The following NECAB2 variants were observed in gnomAD, a reference collection of about 807,000 sequenced individuals.
NECAB2 encodes N-terminal EF-hand calcium-binding protein 2.
In NECAB2, 68 loss-of-function variants were observed where a neutral mutation model predicts 51.9. That is an observed-to-expected ratio of 1.31 (90% CI 1.08 to 1.60). The LOEUF is 1.60. Among genes scored for constraint, NECAB2 ranks in the 40% most tolerant of loss-of-function variants. The probability of loss-of-function intolerance (pLI) is 0.00; values close to 1 mark genes in which losing one functional copy is unlikely to be tolerated. For missense variants in NECAB2, 854 were observed against 490.3 expected (o/e 1.74, Z -7.00); for synonymous variants, 329 against 203.5 (o/e 1.62, Z -5.25).
chr16:83,984,845 A>G (rs2084532619), intron 5 of NECAB2, among the ~76,000 whole-genome samples: 1 of 152,236 alleles, frequency 6.6e-6, no homozygotes, highest in African/African-American at 2.4e-5. Flanking sequence ...GCTGTTTCAA[A>G]TAACAAGCTC....
chr16:83,998,059 A>T, intron 9 of NECAB2, 146 bp from the exon 10 acceptor site: 2 of 709,730 alleles, frequency 2.8e-6, no homozygotes, highest in Non-Finnish European at 4.7e-6. Context: ...TTTTTAGTCC[A>T]TTCTTATCCA....
At chr16:83,978,599 G>C (rs1359619336) in intron 3 of NECAB2, 47 bp downstream of exon 3, 1 of 1,477,038 alleles carries the variant, frequency 6.8e-7, no homozygotes, top group South Asian at 1.1e-5. Context: ...TGTGGGCTGT[G>C]GTGGAGGCAT....
At chr16:84,000,069 TTTTAAAGA>T (rs1567680605) in intron 10 of NECAB2, among the ~76,000 whole-genome samples, 5 of 151,750 alleles carry the variant, frequency 3.3e-5, no homozygotes, top group African/African-American at 1.2e-4. Flanking sequence ...TTTTTTTTTT[TTTTAAAGA>T]GACAGTGTTT....
intron 2 of NECAB2, among the ~76,000 whole-genome samples, chr16:83,977,048 A>T (rs1456821960): frequency 6.6e-6 from 1 of 152,258 alleles, no homozygotes; most frequent in Non-Finnish European, 1.5e-5. Context: ...ATCCGCTTTC[A>T]ACACATGTGC....
chr16:83,984,120 C>T (rs578204787), intron 5 of NECAB2, among the ~76,000 whole-genome samples: 187 of 151,592 alleles, frequency 1.2e-3, no homozygotes, highest in African/African-American at 4.2e-3. Flanking sequence ...TTCAGCCTCC[C>T]GAGTAGCTGG....
In NECAB2 at chr16:84,000,930, C is replaced by G. The variant is rs143139358; in HGVS notation, c.1040+129C>G. On this transcript the variant is annotated intron_variant, in intron 11 of 12. Coordinates refer to ENST00000305202, the MANE Select transcript of NECAB2 (RefSeq NM_019065.3). ...AGTCAGCAGATTCCCGAGGCATCTA[C>G]CCGCTGGCATGCTTGCGTCAGTAAA... The G allele has an allele frequency of 3.2e-3, 2,837 of 874,702 alleles. 13 individuals carry two copies. Among genetic ancestry groups the G allele is most frequent in the Admixed American group, 6.6e-3 (309 of 46,584 alleles). 54.2% of individuals were successfully genotyped at this position (874,702 alleles called of 1,614,324 possible).
Position 84,002,462 on chromosome 16 carries a change from C to A in NECAB2, c.*116C>A. The A allele has an allele frequency of 6.6e-6, 9 of 1,367,368 alleles. No individual in the cohort carries two copies. Among genetic ancestry groups the A allele is most frequent in the Non-Finnish European group, 9.3e-6 (9 of 966,746 alleles). The allele number at this position is 1,367,368 out of a possible 1,614,324, so 84.7% of individuals were successfully genotyped here. On this transcript the variant is annotated 3_prime_UTR_variant, in exon 13 of 13. Transcript: ENST00000305202. The stretch of plus-strand genomic sequence containing the variant: ...AAGCTTCTTTTCAATCCATCCTCCA[C>A]AAGAAGGTGTTTCCCTGTTGTTAAG...
chr16:83,991,658 T>G (rs2084627513), intron 6 of NECAB2, among the ~76,000 whole-genome samples: 1 of 151,354 alleles, frequency 6.6e-6, no homozygotes, highest in African/African-American at 2.4e-5. Context: ...CGGCCTTATT[T>G]TATTTATTGA....
At chr16:83,975,070 G>T (rs1288246868) in intron 2 of NECAB2, among the ~76,000 whole-genome samples, 1 of 146,078 alleles carries the variant, frequency 6.8e-6, no homozygotes, top group Non-Finnish European at 1.5e-5. Context: ...GTGCAGGGAG[G>T]TGTGGGTGCA....
chr16:84,001,209 G>C (rs1280602719), intron 11 of NECAB2, among the ~76,000 whole-genome samples: 3 of 151,830 alleles, frequency 2.0e-5, no homozygotes, highest in Admixed American at 1.3e-4. Flanking sequence ...CGGTACGAGG[G>C]ACGGAGATGG....
rs111822485 is a variant in NECAB2, at chr16:83,990,427, G to T, written c.460-67G>T. 0.023 allele frequency: 36,567 copies of T among 1,585,942 alleles called. 669 individuals are homozygous for T. Among genetic ancestry groups the T allele is most frequent in the African/African-American group, 0.09 (6,727 of 74,628 alleles). ...GCACCAGCTTTCCCCCAACTCCTGT[G>T]CTAGACCCCACCTCCAATTTCCCTC... On this transcript the variant is annotated intron_variant, in intron 5 of 12. Transcript: ENST00000305202.
chr16:83,991,318 TTTCTCTCA>T (rs2084622171), intron 6 of NECAB2, among the ~76,000 whole-genome samples: 1 of 151,918 alleles, frequency 6.6e-6, no homozygotes, highest in Non-Finnish European at 1.5e-5. Context: ...TCTTTCTCTC[TTTCTCTCA>T]TTCGTTCTTT....
chr16:83,975,591 A>G (rs1411144423), intron 2 of NECAB2, among the ~76,000 whole-genome samples: 1 of 152,132 alleles, frequency 6.6e-6, no homozygotes, highest in African/African-American at 2.4e-5. Context: ...GGCTCCTGTG[A>G]CAGAGACTTG....
chr16:83,975,187 C>T (rs1597197899), intron 2 of NECAB2, among the ~76,000 whole-genome samples: 1 of 139,544 alleles, frequency 7.2e-6, no homozygotes, highest in African/African-American at 3.0e-5. Context: ...AACAGGTGTG[C>T]AGGGAGGTGT....
rs113413576 is a variant in NECAB2, at chr16:84,001,919, AG to A, written c.1132+8del. On this transcript the variant is annotated splice_donor_region_variant and intron_variant, in intron 12 of 12. Transcript: ENST00000305202. ...CCTCTCCAGGATCTTGGTGCCAGGT[AG>A]GGGGCAAAGGCCTGGAACTGCAGTG... is the stretch of plus-strand genomic sequence containing the variant. The A allele has an allele frequency of 7.4e-6, 12 of 1,613,728 alleles. No homozygotes were observed. Among genetic ancestry groups the A allele is most frequent in the Non-Finnish European group, 1.0e-5 (12 of 1,179,736 alleles).
At position 84,001,904 on chromosome 16, in the gene NECAB2, A is replaced by G; in HGVS notation, c.1120A>G (p.Ile374Val). ...GAGCCAGCCTGAGGCCCTCTCCAGGATCTTGGTGCCAGGTAGGGGGCAAAG... is the reference window on the plus strand; with the variant it reads ...GAGCCAGCCTGAGGCCCTCTCCAGGGTCTTGGTGCCAGGTAGGGGGCAAAG... ...TLSQPEALSR[I>V]LVPAAWCTVG... is the part of the protein sequence containing the mutation. Residue 374 changes from isoleucine to valine, a missense_variant, in exon 12 of 13, where the codon ATC becomes GTC. Physicochemically the swap from Ile to Val is conservative, Grantham distance 29 (BLOSUM62 3). Transcript: ENST00000305202. 1 of 1,613,968 alleles carries G rather than the reference A, an allele frequency of 6.2e-7. No homozygotes were observed. Among genetic ancestry groups the G allele is most frequent in the Non-Finnish European group, 8.5e-7 (1 of 1,179,886 alleles).
intron 11 of NECAB2, among the ~76,000 whole-genome samples, chr16:84,001,171 C>G (rs182181101): frequency 1.3e-5 from 2 of 152,144 alleles, no homozygotes; most frequent in East Asian, 1.9e-4. Flanking sequence ...ATTGTTCCAG[C>G]GACTAACCTC....
In NECAB2 at chr16:83,990,568, G is replaced by T. The variant is rs1466391447; in HGVS notation, c.534G>T (p.Gln178His). 2.5e-6 allele frequency: 4 copies of T among 1,614,054 alleles called. No homozygotes were observed. Among genetic ancestry groups the T allele is most frequent in the Admixed American group, 1.7e-5 (1 of 60,014 alleles). ...FLLKETANQI[Q>H]SLLSSVESAV... is the part of the protein sequence containing the mutation. ...TGAAGGAGACGGCCAATCAGATCCA[G>T]TCGCTGCTGAGCTCAGTGGAGAGTG... is the stretch of plus-strand genomic sequence containing the variant. Residue 178 changes from glutamine (Q) to histidine (H), a missense_variant, in exon 6 of 13, where the codon CAG becomes CAT. Physicochemically the swap from Gln to His is conservative, Grantham distance 24 (BLOSUM62 0). Coordinates refer to ENST00000305202, the MANE Select transcript of NECAB2 (RefSeq NM_019065.3).
At chr16:84,000,175 T>C (rs986722298) in intron 10 of NECAB2, among the ~76,000 whole-genome samples, 1 of 152,186 alleles carries the variant, frequency 6.6e-6, no homozygotes, top group Non-Finnish European at 1.5e-5. Context: ...GTTCTGCGAT[T>C]ACAGGCGTGA....
Sources: allele counts gnomAD v4.1 joint callset (sites outside exome capture counted in the v4.1 genomes callset), GRCh38; gene constraint gnomAD v4.1.1; transcripts MANE v1.5; gene names NCBI Gene and HGNC (gene_info 2026-07-23, HGNC 2026-07-21).